The following DOCK5 variants were observed in gnomAD, a reference collection of about 807,000 sequenced individuals.
DOCK5 encodes the protein dedicator of cytokinesis protein 5.
In DOCK5, 142 loss-of-function variants were observed where a neutral mutation model predicts 251.8. The ratio of observed to expected loss-of-function variants is 0.56; its 90% confidence interval spans 0.49 to 0.65. DOCK5 has a LOEUF of 0.65. Ranked by LOEUF, DOCK5 falls within the 30% of genes least tolerant of loss-of-function variation. DOCK5 has a pLI of 0.00. For synonymous variants in DOCK5, 842 were observed against 835.5 expected (o/e 1.01, Z -0.13); for missense variants, 2,111 against 2,312.3 (o/e 0.91, Z 1.79).
At chr8:25,280,402 AG>A (rs1804160162) in intron 5 of DOCK5, among the ~76,000 whole-genome samples, 1 of 152,186 alleles carries the variant, frequency 6.6e-6, no homozygotes, top group Admixed American at 6.5e-5. Flanking sequence ...AGTAATCAAA[AG>A]CTAATTTTGG....
intron 22 of DOCK5, 92 bp from the exon 23 acceptor site, chr8:25,340,785 C>G: frequency 1.0e-6 from 1 of 988,516 alleles, no homozygotes; most frequent in Non-Finnish European, 1.5e-6. Context: ...TAGGGTGATA[C>G]GATGAAGGAG....
rs375771293 is a variant in DOCK5 at position 25,259,430 on chromosome 8, T to G, written c.128-9415T>G. Among the ~76,000 whole-genome samples the G allele has an allele frequency of 6.6e-5, 10 of 152,152 alleles. No homozygotes were observed. The East Asian group carries it at 1.2e-3, about 18-fold the overall frequency. ...AAACCTTTTCAGTTCCTTAACTATG[T>G]TTTCTTTCTTTAATTAATTTATTTA... On this transcript the variant is annotated intron_variant, in intron 2 of 51. Coordinates refer to ENST00000276440, the MANE Select transcript of DOCK5 (RefSeq NM_024940.8).
chr8:25,197,811 C>T (rs547079526), intron 1 of DOCK5, among the ~76,000 whole-genome samples: 5 of 146,382 alleles, frequency 3.4e-5, no homozygotes, highest in Middle Eastern at 3.8e-3. Flanking sequence ...AGTGCTGTGG[C>T]GCAATCTCGG....
At chr8:25,271,977 A>C (rs1803924058) in intron 3 of DOCK5, among the ~76,000 whole-genome samples, 1 of 152,252 alleles carries the variant, frequency 6.6e-6, no homozygotes, top group South Asian at 2.1e-4. Flanking sequence ...AAATACACAC[A>C]TACTGTATAA....
Position 25,412,078 on chromosome 8 carries a change from C to CTTTTTTTTTTTTTT in DOCK5, c.*790_*803dup, listed in dbSNP as rs56131241. The CTTTTTTTTTTTTTT allele has an allele frequency of 1.1e-4, 9 of 82,846 alleles. No homozygotes were observed. The highest frequency in any genetic ancestry group is 1.8e-4 in the Admixed American group (1 of 5,452). The allele number at this position is 82,846 out of a possible 1,614,324, so 5.1% of individuals were successfully genotyped here. On this transcript the variant is annotated 3_prime_UTR_variant, in exon 52 of 52. Transcript: ENST00000276440. ...GAAGCTCTTCCTTTTGCACATACGG[C>CTTTTTTTTTTTTTT]TTTTTTTTTTTTTTTTTTTTTTTGT...
chr8:25,321,146 G>A (rs1190206368), intron 16 of DOCK5, 94 bp downstream of exon 16: 4 of 1,049,630 alleles, frequency 3.8e-6, no homozygotes, highest in Non-Finnish European at 5.7e-6. Context: ...AAGATATTTG[G>A]AAACTAGAGA....
chr8:25,254,674 C>T (rs1803363927), intron 2 of DOCK5, among the ~76,000 whole-genome samples: 1 of 149,164 alleles, frequency 6.7e-6, no homozygotes, highest in Non-Finnish European at 1.5e-5. Flanking sequence ...ACTTGAGAGG[C>T]TGAGGCAGGA....
intron 2 of DOCK5, among the ~76,000 whole-genome samples, chr8:25,267,411 T>C (rs1803785175): frequency 6.6e-6 from 1 of 152,232 alleles, no homozygotes; most frequent in Non-Finnish European, 1.5e-5. Flanking sequence ...GAAAATATTA[T>C]TGAATATATG....
intron 16 of DOCK5, 57 bp from the exon 17 acceptor site, chr8:25,323,791 G>A: frequency 3.8e-6 from 6 of 1,563,784 alleles, no homozygotes; most frequent in Non-Finnish European, 5.2e-6. Flanking sequence ...TCGTGTCATA[G>A]CCATCGCCTC....
At chr8:25,407,063 T>C (rs1801535587) in intron 48 of DOCK5, among the ~76,000 whole-genome samples, 1 of 152,180 alleles carries the variant, frequency 6.6e-6, no homozygotes, top group South Asian at 2.1e-4. Flanking sequence ...CAATTAACCA[T>C]AAAACTTCAT....
At chr8:25,298,773 C>T (rs1437048266) in intron 7 of DOCK5, among the ~76,000 whole-genome samples, 171 bp from the exon 8 acceptor site, 1 of 152,074 alleles carries the variant, frequency 6.6e-6, no homozygotes, top group East Asian at 1.9e-4. Context: ...CTGTGTTGCC[C>T]AGGCTGTTCT....
intron 24 of DOCK5, 100 bp downstream of exon 24, chr8:25,341,909 G>A (rs1354627223): frequency 1.0e-6 from 1 of 971,660 alleles, no homozygotes; most frequent in Non-Finnish European, 1.5e-6. Flanking sequence ...ATTTTTCTAA[G>A]AAGTATTAAC....
At chr8:25,313,225 C>T (rs182523704) in intron 13 of DOCK5, among the ~76,000 whole-genome samples, 8 of 152,240 alleles carry the variant, frequency 5.3e-5, no homozygotes, top group Admixed American at 2.6e-4. Flanking sequence ...CTTTGACTCT[C>T]GTCTTCAGCA....
In DOCK5 at chr8:25,300,556, ATT is replaced by A. The variant is rs5890219; in HGVS notation, c.765-12_765-11del. The A allele has an allele frequency of 1.2e-5, 20 of 1,600,144 alleles. No homozygotes were observed. Among genetic ancestry groups the A allele is most frequent in the African/African-American group, 6.7e-5 (5 of 74,542 alleles). On this transcript the variant is annotated intron_variant, in intron 8 of 51. Coordinates refer to ENST00000276440, the MANE Select transcript of DOCK5 (RefSeq NM_024940.8). The stretch of plus-strand genomic sequence containing the variant: ...CCCAGTTAGCCTCTCATTAAGAGCA[ATT>A]TTTTTTTCCTTTGCCAGTGAGAACT...
intron 2 of DOCK5, among the ~76,000 whole-genome samples, chr8:25,244,859 G>A (rs577953327): frequency 5.3e-5 from 8 of 152,296 alleles, no homozygotes; most frequent in African/African-American, 1.7e-4. Context: ...ACAACTCAAT[G>A]TAATCATGTA....
chr8:25,310,757 T>C (rs558950934), intron 13 of DOCK5, among the ~76,000 whole-genome samples: 1 of 152,202 alleles, frequency 6.6e-6, no homozygotes, highest in Non-Finnish European at 1.5e-5. Flanking sequence ...ATCCTTACCA[T>C]GAAGTCTTTT....
intron 16 of DOCK5, 126 bp from the exon 17 acceptor site, chr8:25,323,722 T>C: frequency 9.8e-7 from 1 of 1,024,224 alleles, no homozygotes; most frequent in Non-Finnish European, 1.5e-6. Context: ...TATTGCAGTT[T>C]GCTCAGTTGT....
At chr8:25,317,697 G>A (rs1252012204) in intron 14 of DOCK5, among the ~76,000 whole-genome samples, 2 of 152,156 alleles carry the variant, frequency 1.3e-5, no homozygotes. Flanking sequence ...TGCAAGCTCC[G>A]CCTCCCGGGT....
chr8:25,367,012 C>T (rs752226716), intron 31 of DOCK5, 42 bp downstream of exon 31: 57 of 1,532,280 alleles, frequency 3.7e-5, no homozygotes, highest in Non-Finnish European at 5.0e-5. Flanking sequence ...GGGGCTTCTT[C>T]CATTTGTTTA....
Sources: gnomAD v4.1 joint callset for allele counts (sites outside exome capture counted in the v4.1 genomes callset) on GRCh38, gnomAD v4.1.1 for gene constraint, MANE v1.5 for transcripts, NCBI Gene and HGNC (gene_info 2026-07-23, HGNC 2026-07-21) for gene names.